TMEM132B: variants seen among roughly 807,000 people sequenced by gnomAD.
TMEM132B encodes transmembrane protein 132B.
In TMEM132B, 18 loss-of-function variants were observed where a neutral mutation model predicts 90.8. The ratio of observed to expected loss-of-function variants is 0.20; its 90% CI spans 0.14 to 0.29. TMEM132B has a LOEUF of 0.29. TMEM132B is among the 10% of genes least tolerant of loss of function. TMEM132B has a pLI of 1.00. For synonymous variants in TMEM132B, 504 were observed against 523.3 expected (o/e 0.96, Z 0.50); for missense variants, 1,096 against 1,326.8 (o/e 0.83, Z 2.70).
Position 125,349,779 on chromosome 12 carries a change from G to C in TMEM132B, c.395G>C (p.Ser132Thr). The C allele has an allele frequency of 6.2e-7, 1 of 1,614,186 alleles. No individual in the cohort carries two copies. The highest frequency in any genetic ancestry group is 8.5e-7 in the Non-Finnish European group (1 of 1,180,048). Residue 132 changes from serine (S) to threonine (T), a missense_variant, in exon 2 of 9, where the codon AGC (serine) becomes ACC (threonine). Transcript: ENST00000682704. The surrounding 1 kb of genome is among the most constrained non-coding windows in gnomAD (Gnocchi z 4.1). ...AAATTGAAATCCCACATCCTTGACA[G>C]CTCCATCTACTCCAACAGACCCAAA... Reference protein sequence around the residue: ...NWKLKSHILDSSIYSNRPKVQ... With the variant: ...NWKLKSHILDTSIYSNRPKVQ...
chr12:125,525,137 A>C (rs1015103508), intron 4 of TMEM132B, among the ~76,000 whole-genome samples: 2 of 152,098 alleles, frequency 1.3e-5, no homozygotes, highest in African/African-American at 4.8e-5. Context: ...GGGCAGCAGA[A>C]CACTCTAGTA....
intron 3 of TMEM132B, among the ~76,000 whole-genome samples, chr12:125,435,221 C>G (rs1473516192): frequency 2.0e-5 from 3 of 152,188 alleles, no homozygotes; most frequent in Non-Finnish European, 2.9e-5. Flanking sequence ...GCTGGAAAAC[C>G]CCACTTGCTC....
chr12:125,599,019 A>G (rs1487152489), intron 5 of TMEM132B, among the ~76,000 whole-genome samples: 1 of 152,162 alleles, frequency 6.6e-6, no homozygotes, highest in Non-Finnish European at 1.5e-5. Flanking sequence ...TTCAAGTCAC[A>G]TCTGTAGATC....
intron 4 of TMEM132B, among the ~76,000 whole-genome samples, chr12:125,522,768 A>G (rs1246783330): frequency 6.6e-6 from 1 of 152,246 alleles, no homozygotes; most frequent in Non-Finnish European, 1.5e-5. Flanking sequence ...CAGGAGCTGC[A>G]GAGAGAGGGC....
At chr12:125,351,568 A>G (rs1365540084) in intron 2 of TMEM132B, among the ~76,000 whole-genome samples, 2 of 152,246 alleles carry the variant, frequency 1.3e-5, no homozygotes, top group African/African-American at 4.8e-5. Flanking sequence ...CATAAACTAT[A>G]TATAAAGAAA....
chr12:125,468,728 A>T (rs1046867532), intron 3 of TMEM132B, among the ~76,000 whole-genome samples: 1 of 152,198 alleles, frequency 6.6e-6, no homozygotes, highest in African/African-American at 2.4e-5. Context: ...CAATTCATGA[A>T]CATGGGATGT....
intron 2 of TMEM132B, among the ~76,000 whole-genome samples, chr12:125,350,932 A>G (rs953196364): frequency 2.6e-5 from 4 of 152,252 alleles, no homozygotes; most frequent in African/African-American, 9.6e-5. Context: ...AGCAGGTACT[A>G]TAAGAGGTGC....
At chr12:125,321,127 A>G (rs1482686413) in intron 1 of TMEM132B, among the ~76,000 whole-genome samples, 2 of 152,194 alleles carry the variant, frequency 1.3e-5, no homozygotes, top group Non-Finnish European at 2.9e-5. Flanking sequence ...TCTGGAAAAG[A>G]GGTGCTGGAT....
intron 1 of TMEM132B, among the ~76,000 whole-genome samples, chr12:125,268,181 A>G (rs1874740814): frequency 6.6e-6 from 1 of 152,278 alleles, no homozygotes; most frequent in Non-Finnish European, 1.5e-5. Flanking sequence ...TATCAACTTC[A>G]TAAATGAGGA....
chr12:125,490,205 AC>A lies in TMEM132B; in HGVS notation c.1107-29233del, dbSNP rs1882310987. Among the ~76,000 whole-genome samples the A allele has an allele frequency of 6.6e-6, 1 of 152,162 alleles. No individual in the cohort carries two copies. Among genetic ancestry groups the A allele is most frequent in the South Asian group, 2.1e-4 (1 of 4,828 alleles). ...TGCCAGGTACTGTGTTGAATACTTT[AC>A]ATATATTACTAATTAAATTCTCATA... On this transcript the variant is annotated intron_variant, in intron 3 of 8. Coordinates refer to ENST00000682704, the MANE Select transcript of TMEM132B (RefSeq NM_001366854.1). The surrounding 1 kb of genome is among the most constrained non-coding windows in gnomAD (Gnocchi z 4.2).
At chr12:125,260,415 G>A (rs1222990674) in intron 1 of TMEM132B, among the ~76,000 whole-genome samples, 1 of 151,850 alleles carries the variant, frequency 6.6e-6, no homozygotes, top group Non-Finnish European at 1.5e-5. Flanking sequence ...ACCATGGTGC[G>A]ATCATAGCTT....
chr12:125,360,339 T>C (rs1445435755), intron 2 of TMEM132B, among the ~76,000 whole-genome samples: 1 of 152,244 alleles, frequency 6.6e-6, no homozygotes, highest in Non-Finnish European at 1.5e-5. Flanking sequence ...AGTAAAACAC[T>C]GTTTCAAAAC....
At chr12:125,231,337 C>G (rs537506392) in intron 1 of TMEM132B, among the ~76,000 whole-genome samples, 4 of 152,142 alleles carry the variant, frequency 2.6e-5, no homozygotes, top group East Asian at 1.9e-4. Flanking sequence ...TGACATCTGC[C>G]AAGGCTGTAT....
At chr12:125,221,640 T>C (rs1246280580) in intron 1 of TMEM132B, among the ~76,000 whole-genome samples, 1 of 152,196 alleles carries the variant, frequency 6.6e-6, no homozygotes, top group Non-Finnish European at 1.5e-5. Flanking sequence ...AAAGAAAGAA[T>C]GCTTGGGAGC....
At chr12:125,474,269 TCCCTC>T (rs1265849757) in intron 3 of TMEM132B, among the ~76,000 whole-genome samples, 2 of 53,992 alleles carry the variant, frequency 3.7e-5, no homozygotes, top group African/African-American at 7.4e-5. Flanking sequence ...TCCCCTCCCC[TCCCTC>T]CCCTCCCCTC....
intron 4 of TMEM132B, among the ~76,000 whole-genome samples, chr12:125,546,125 A>T (rs1056162965): frequency 2.6e-5 from 4 of 152,162 alleles, no homozygotes; most frequent in Admixed American, 6.5e-5. Flanking sequence ...TATATAATGT[A>T]TACATCTTTT....
chr12:125,235,388 C>T (rs2136086550), intron 1 of TMEM132B, among the ~76,000 whole-genome samples: 1 of 152,206 alleles, frequency 6.6e-6, no homozygotes, highest in African/African-American at 2.4e-5. Context: ...CTCCCTCTTC[C>T]TTCCAGCTGG....
At chr12:125,430,432 G>T (rs1238613862) in intron 3 of TMEM132B, among the ~76,000 whole-genome samples, 1 of 152,222 alleles carries the variant, frequency 6.6e-6, no homozygotes, top group Non-Finnish European at 1.5e-5. Flanking sequence ...CGGAAACCCG[G>T]TCTAGGGAAA....
At position 125,531,286 on chromosome 12, in the gene TMEM132B, A is replaced by G. The variant is rs562653812; in HGVS notation, c.1293+11661A>G. ...CTGCAGCCTTAACCTCCAAGGCTCA[A>G]GTGATCTTCCCACTTCAGGTTCCTG... On this transcript the variant is annotated intron_variant, in intron 4 of 8. Transcript: ENST00000682704. 2.6e-5 allele frequency among the ~76,000 whole-genome samples: 4 copies of G among 152,310 alleles called. No individual in the cohort carries two copies. In the East Asian group the frequency reaches 7.7e-4, roughly 29 times the overall value.
Sources: gnomAD v4.1 joint callset for allele counts (sites outside exome capture counted in the v4.1 genomes callset) on GRCh38, gnomAD v4.1.1 for gene constraint, Gnocchi (gnomAD v3.1) non-coding constraint, MANE v1.5 for transcripts, NCBI Gene and HGNC (gene_info 2026-07-23, HGNC 2026-07-21) for gene names.